The following ETFDH variants were observed in gnomAD, a reference collection of about 807,000 sequenced individuals.
ETFDH encodes the protein electron transfer flavoprotein dehydrogenase.
Under a neutral mutation model 73.2 loss-of-function variants are expected in ETFDH, and 61 were observed. The ratio of observed to expected loss-of-function variants is 0.83; its 90% CI spans 0.68 to 1.03. The LOEUF (loss-of-function observed/expected upper bound fraction) is 1.03, where lower values mean the gene tolerates loss of function less well. Among genes scored for constraint, ETFDH ranks in the 50% least tolerant of loss-of-function variants. The pLI, the probability that ETFDH is intolerant of heterozygous loss-of-function variation, is 0.00. For synonymous variants in ETFDH, 243 were observed against 253.3 expected, an observed-to-expected ratio of 0.96 and a Z score of 0.39; for missense variants, 685 against 745.0, an observed-to-expected ratio of 0.92 and a Z score of 0.94.
intron 10 of ETFDH, among the ~76,000 whole-genome samples, chr4:158,705,037 A>C (rs184348972): frequency 6.6e-6 from 1 of 152,318 alleles, no homozygotes; most frequent in East Asian, 1.9e-4. Context: ...ATATCACCAA[A>C]GACTAGATTG....
In ETFDH at chr4:158,672,396, CGCCGCGA is replaced by C. The variant is rs1455478176; in HGVS notation, c.-58_-52del. ...CCCCGCGGCCTAGAGGTCCAGCGCC[CGCCGCGA>C]GCAGCGGACAGTCCTCCTGTTGTGT... On this transcript the variant is annotated 5_prime_UTR_variant, in exon 1 of 13. Transcript: ENST00000511912. 1.3e-6 allele frequency: 2 copies of C among 1,594,560 alleles called. No homozygotes were observed. The highest frequency in any genetic ancestry group is 2.7e-5 in the African/African-American group (2 of 74,540).
At chr4:158,687,401 G>T (rs1012630845) in intron 5 of ETFDH, among the ~76,000 whole-genome samples, 1 of 152,124 alleles carries the variant, frequency 6.6e-6, no homozygotes, top group Non-Finnish European at 1.5e-5. Context: ...TTGGGATATC[G>T]GTTTCTGAGC....
chr4:158,700,599 CACTT>C (rs1774438626), intron 9 of ETFDH: 1 of 148,514 alleles, frequency 6.7e-6, no homozygotes, highest in African/African-American at 2.5e-5. Context: ...CACACACACA[CACTT>C]ACTTTTCACC....
chr4:158,693,709 C>T (rs549272247), intron 6 of ETFDH, among the ~76,000 whole-genome samples: 21 of 151,992 alleles, frequency 1.4e-4, no homozygotes, highest in African/African-American at 4.8e-4. Flanking sequence ...GCCACCCTAC[C>T]GCAACAAGAT....
chr4:158,690,945 A>C (rs1443776461), intron 6 of ETFDH, among the ~76,000 whole-genome samples: 2 of 152,192 alleles, frequency 1.3e-5, no homozygotes, highest in Admixed American at 1.3e-4. Context: ...GTTAGAATAC[A>C]GTAATTAATA....
intron 1 of ETFDH, chr4:158,680,016 C>T (rs1773803639): frequency 7.4e-6 from 1 of 135,030 alleles, no homozygotes; most frequent in African/African-American, 2.7e-5. Context: ...AACCAGGAGG[C>T]AGAGGTTGTG....
Position 158,706,189 on chromosome 4 carries a change from G to C in ETFDH, c.1286G>C (p.Gly429Ala). 6.3e-7 allele frequency: 1 copy of C among 1,599,172 alleles called. No homozygotes were observed. The highest frequency in any genetic ancestry group is 8.6e-7 in the Non-Finnish European group (1 of 1,166,396). Residue 429 changes from glycine to alanine, a missense_variant and splice_region_variant, in exon 11 of 13, where the codon GGA becomes GCA. This residue lies in a region of ETFDH where 79 missense variants were observed against 120.5 expected (regional missense o/e 0.66). Transcript: ENST00000511912. ...TSENLQSKTIGLHVTEYEDNL... is the reference protein window; with the variant it reads ...TSENLQSKTIALHVTEYEDNL... ...TAACATTTCATGTTTTTAATAAAAG[G>C]ACTCCATGTAACTGAATATGAGGAC...
At chr4:158,697,531 C>A in intron 7 of ETFDH, 28 bp from the exon 8 acceptor site, 1 of 1,593,838 alleles carries the variant, frequency 6.3e-7, no homozygotes, top group Non-Finnish European at 8.5e-7. Flanking sequence ...TACTGCAGGA[C>A]TTTTTTGTTT....
rs1482632936 is a variant in ETFDH at position 158,690,406 on chromosome 4, A to C, written c.665A>C (p.Gln222Pro). ...KGIATNDVGI[Q>P]KDGAPKATFE... ...ATTGCCACTAACGATGTAGGGATAC[A>C]AAAGGATGGTGCACCAAAGGTAAAC... The change falls in exon 6 of 13, where the codon CAA becomes CCA. Residue 222 changes from glutamine (Q) to proline (P), a missense_variant. Coordinates refer to ENST00000511912, the MANE Select transcript of ETFDH (RefSeq NM_004453.4). 4 of 1,589,140 alleles carry C rather than the reference A, an allele frequency of 2.5e-6. No homozygotes were observed. Among genetic ancestry groups the C allele is most frequent in the Non-Finnish European group, 3.5e-6 (4 of 1,157,138 alleles).
chr4:158,700,143 A>G (rs1009973652), intron 9 of ETFDH, among the ~76,000 whole-genome samples: 1 of 152,172 alleles, frequency 6.6e-6, no homozygotes, highest in Admixed American at 6.5e-5. Context: ...GGGAGGAGAA[A>G]TTGCCTTATC....
chr4:158,691,033 T>C (rs1303675520), intron 6 of ETFDH, among the ~76,000 whole-genome samples: 1 of 152,206 alleles, frequency 6.6e-6, no homozygotes, highest in African/African-American at 2.4e-5. Context: ...ATAATATGTT[T>C]AAAAATTTTT....
intron 6 of ETFDH, among the ~76,000 whole-genome samples, chr4:158,693,214 T>C (rs188589085): frequency 6.6e-6 from 1 of 152,344 alleles, no homozygotes; most frequent in East Asian, 1.9e-4. Context: ...GTCTCTGTTT[T>C]CCCTTACTTG....
At chr4:158,697,444 C>T (rs1199269679) in intron 7 of ETFDH, 115 bp from the exon 8 acceptor site, 2 of 883,140 alleles carry the variant, frequency 2.3e-6, no homozygotes, top group Non-Finnish European at 3.6e-6. Context: ...CACAGTTTTT[C>T]ACTTGTAATT....
chr4:158,674,651 T>G (rs977291289), intron 1 of ETFDH, among the ~76,000 whole-genome samples: 1 of 152,148 alleles, frequency 6.6e-6, no homozygotes. Context: ...CTTTGCCACT[T>G]TAAAAAAAAT....
chr4:158,707,859 A>T lies in ETFDH; in HGVS notation c.1691-505A>T, dbSNP rs1774672273. 3.9e-5 allele frequency among the ~76,000 whole-genome samples: 6 copies of T among 152,344 alleles called. No homozygotes were observed. In the South Asian group the frequency reaches 1.2e-3, roughly 32 times the overall value. On this transcript the variant is annotated intron_variant, in intron 12 of 12. Coordinates refer to ENST00000511912, the MANE Select transcript of ETFDH (RefSeq NM_004453.4). ...AGACTGTATCTTCTGTGAAAGAGGA[A>T]AAAGAAATTTGTGCGTTTTGCTGTT... is the stretch of plus-strand genomic sequence containing the variant.
chr4:158,706,432 A>C, intron 11 of ETFDH, 61 bp downstream of exon 11: 1 of 1,348,358 alleles, frequency 7.4e-7, no homozygotes, highest in Non-Finnish European at 1.1e-6. Flanking sequence ...GGATCTGTTA[A>C]TTAGAGAAAG....
rs1249013433 is a variant in ETFDH, at chr4:158,672,569, C to A, written c.34+79C>A. On this transcript the variant is annotated intron_variant, in intron 1 of 12. Transcript: ENST00000511912. The stretch of plus-strand genomic sequence containing the variant: ...AGGCCGGTCCTGGGGGCTGTAGGCA[C>A]CTCTCGCCCCTTCTCTCATCAGCTT... 5 of 1,359,130 alleles carry A rather than the reference C, an allele frequency of 3.7e-6. No homozygotes were observed. In the African/African-American group the frequency reaches 7.1e-5, roughly 19 times the overall value. 84.2% of individuals were successfully genotyped at this position (1,359,130 alleles called of 1,614,324 possible).
chr4:158,683,226 A>G (rs969072519), intron 3 of ETFDH, among the ~76,000 whole-genome samples: 2 of 152,200 alleles, frequency 1.3e-5, no homozygotes, highest in African/African-American at 4.8e-5. Flanking sequence ...CTTAAATAAA[A>G]TTTGTATGAA....
intron 12 of ETFDH, 32 bp downstream of exon 12, chr4:158,706,882 C>A: frequency 1.4e-6 from 2 of 1,379,900 alleles, no homozygotes; most frequent in Non-Finnish European, 2.1e-6. Flanking sequence ...TAAATATTTG[C>A]TTTAAACATT....
Sources: allele counts gnomAD v4.1 joint callset (sites outside exome capture counted in the v4.1 genomes callset), GRCh38; gene constraint gnomAD v4.1.1; regional missense constraint gnomAD v4.1.1; transcripts MANE v1.5; gene names NCBI Gene and HGNC (gene_info 2026-07-23, HGNC 2026-07-21).